Variants in PKHD1L1 observed in about 807,000 individuals in gnomAD.
The protein encoded by PKHD1L1 is fibrocystin-L.
A neutral mutation model predicts 462.9 loss-of-function variants in PKHD1L1; 434 were observed. The ratio of observed to expected loss-of-function variants is 0.94; its 90% CI spans 0.87 to 1.02. PKHD1L1 has a LOEUF of 1.02. Ranked by LOEUF, PKHD1L1 falls within the 50% of genes least tolerant of loss-of-function variation. PKHD1L1 has a pLI of 0.00. For missense variants in PKHD1L1, 5,202 were observed against 5,096.1 expected, an observed-to-expected ratio of 1.02 and a Z score of -0.63; for synonymous variants, 1,781 against 1,750.0, an observed-to-expected ratio of 1.02 and a Z score of -0.44.
At chr8:109,372,683 A>G (rs1299708920) in intron 2 of PKHD1L1, among the ~76,000 whole-genome samples, 1 of 152,228 alleles carries the variant, frequency 6.6e-6, no homozygotes, top group Non-Finnish European at 1.5e-5. Context: ...TGTCCCATCA[A>G]TACCTAATTT....
At chr8:109,512,479 C>T (rs1380254453) in intron 71 of PKHD1L1, among the ~76,000 whole-genome samples, 6 of 152,102 alleles carry the variant, frequency 3.9e-5, no homozygotes, top group South Asian at 4.2e-4. Flanking sequence ...TTGTTTTTCT[C>T]GGGTTTGCCA....
chr8:109,484,885 A>G (rs1346248826), intron 57 of PKHD1L1, among the ~76,000 whole-genome samples, 159 bp from the exon 58 acceptor site: 1 of 151,986 alleles, frequency 6.6e-6, no homozygotes, highest in Non-Finnish European at 1.5e-5. Flanking sequence ...ACACAAGCAT[A>G]TATACCTTTA....
Position 109,522,870 on chromosome 8 carries a change from G to A in PKHD1L1, c.12310G>A (p.Val4104Ile). ...PGQPFPQQPS[V>I]KATDSDGNCV... ...ACAGCCATTTCCTCAGCAGCCTTCGGTAAAGGCAACAGATTCTGACGTAAG... is the reference window on the plus strand; with the variant it reads ...ACAGCCATTTCCTCAGCAGCCTTCGATAAAGGCAACAGATTCTGACGTAAG... Residue 4104 changes from valine to isoleucine, a missense_variant, in exon 75 of 78, where the codon GTA becomes ATA. This residue lies in a region of PKHD1L1 where 698 missense variants were observed against 736.3 expected (regional missense o/e 0.95). Coordinates refer to ENST00000378402, the MANE Select transcript of PKHD1L1 (RefSeq NM_177531.6). 1 of 1,608,022 alleles carries A rather than the reference G, an allele frequency of 6.2e-7. No homozygotes were observed. The highest frequency in any genetic ancestry group is 8.5e-7 in the Non-Finnish European group (1 of 1,177,802).
Position 109,508,136 on chromosome 8 carries a change from G to A in PKHD1L1, c.11267G>A (p.Trp3756Ter). The A allele has an allele frequency of 6.2e-7, 1 of 1,612,690 alleles. No individual in the cohort carries two copies. Among genetic ancestry groups the A allele is most frequent in the Non-Finnish European group, 8.5e-7 (1 of 1,179,120 alleles). Residue 3756 changes from tryptophan (W) to a stop codon, truncating the protein, a stop_gained, in exon 70 of 78, where the codon TGG (tryptophan) becomes TAG (stop). Transcript: ENST00000378402. LOFTEE classifies it high-confidence loss of function. ...TCAACCTGTAAGTACCTTCCAGAGTGGCAGAGCTATCAGTGCTTTGGGATG... is the reference window on the plus strand; with the variant it reads ...TCAACCTGTAAGTACCTTCCAGAGTAGCAGAGCTATCAGTGCTTTGGGATG... ...RDSTCKYLPE[W>*]QSYQCFGMEY...
intron 2 of PKHD1L1, among the ~76,000 whole-genome samples, chr8:109,371,489 G>A (rs1188937843): frequency 6.7e-6 from 1 of 150,204 alleles, no homozygotes; most frequent in East Asian, 1.9e-4. Context: ...CTTTTGCTGT[G>A]CAGAAGCTCT....
intron 59 of PKHD1L1, among the ~76,000 whole-genome samples, chr8:109,487,978 AGTTG>A (rs983852822): frequency 3.3e-5 from 5 of 150,794 alleles, no homozygotes; most frequent in Non-Finnish European, 5.9e-5. Flanking sequence ...GAAAAGGTAC[AGTTG>A]GTAGTGTATT....
chr8:109,386,489 C>G (rs2130455560), intron 6 of PKHD1L1, among the ~76,000 whole-genome samples: 1 of 152,208 alleles, frequency 6.6e-6, no homozygotes, highest in East Asian at 1.9e-4. Context: ...CACACACATA[C>G]AAATACATAA....
intron 2 of PKHD1L1, among the ~76,000 whole-genome samples, chr8:109,380,124 A>G (rs1027307067): frequency 1.3e-5 from 2 of 152,184 alleles, no homozygotes; most frequent in Non-Finnish European, 2.9e-5. Flanking sequence ...AAAATTAATT[A>G]TAGTTTTAGG....
At chr8:109,526,313 G>GTT (rs986936117) in intron 76 of PKHD1L1, among the ~76,000 whole-genome samples, 2 of 152,168 alleles carry the variant, frequency 1.3e-5, no homozygotes, top group African/African-American at 2.4e-5. Flanking sequence ...GTTGTTTGCT[G>GTT]TATTATTCTT....
rs769435632 is a variant in PKHD1L1 at position 109,412,352 on chromosome 8, T to G, written c.2173T>G (p.Ser725Ala). The G allele has an allele frequency of 6.2e-7, 1 of 1,613,648 alleles. No individual in the cohort carries two copies. Among genetic ancestry groups the G allele is most frequent in the Admixed American group, 1.7e-5 (1 of 59,988 alleles). ...GAAAAACCCAGCTGTTCTTTTTGAC[T>G]CAGCAGATGTTAAACCAAACAGACG... Reference protein sequence around the residue: ...SLKNPAVLFDSADVKPNRRPY... With the variant: ...SLKNPAVLFDAADVKPNRRPY... Residue 725 changes from serine to alanine, a missense_variant, in exon 20 of 78, where the codon TCA becomes GCA. Ser to Ala is a moderately conservative substitution (Grantham distance 99). Around this residue, in one of 3 missense-constraint regions of PKHD1L1, gnomAD observed 4,497 missense variants for 4,336.8 expected, o/e 1.04. Transcript: ENST00000378402.
chr8:109,486,261 C>A (rs1361615282), intron 58 of PKHD1L1, among the ~76,000 whole-genome samples: 1 of 151,850 alleles, frequency 6.6e-6, no homozygotes, highest in Non-Finnish European at 1.5e-5. Flanking sequence ...TAGCTTTGGG[C>A]AAATTCTTTT....
At chr8:109,505,451 G>A (rs56379526) in intron 68 of PKHD1L1, among the ~76,000 whole-genome samples, 23,100 of 152,112 alleles carry the variant, frequency 0.15, 2,256 homozygotes, top group South Asian at 0.37. Flanking sequence ...ATTCTAAGCC[G>A]TAGAATAATA....
At position 109,477,317 on chromosome 8, in the gene PKHD1L1, T is replaced by C. The variant is rs1466783834; in HGVS notation, c.9010T>C (p.Cys3004Arg). The change falls in exon 53 of 78, where the codon TGT becomes CGT. Residue 3004 changes from cysteine (C) to arginine (R), a missense_variant. Transcript: ENST00000378402. ...CGTTGTTATTAATTTCCAAGCTTAC[T>C]GTTGTATTCTCCAGGATTGCTTTCC... ...KDVVINFQAY[C>R]CILQDCFPVH... 1.2e-6 allele frequency: 2 copies of C among 1,613,626 alleles called. No individual in the cohort carries two copies. The highest frequency in any genetic ancestry group is 2.2e-5 in the East Asian group (1 of 44,854).
At chr8:109,386,039 T>A (rs1812427071) in intron 6 of PKHD1L1, among the ~76,000 whole-genome samples, 1 of 152,122 alleles carries the variant, frequency 6.6e-6, no homozygotes, top group African/African-American at 2.4e-5. Flanking sequence ...TAGAACACAG[T>A]CTCGTAACAC....
chr8:109,398,426 G>A (rs768181727), intron 11 of PKHD1L1, 33 bp from the exon 12 acceptor site: 1 of 1,280,578 alleles, frequency 7.8e-7, no homozygotes, highest in Admixed American at 2.0e-5. Flanking sequence ...TGAAGTTTCA[G>A]TAGTAACGGT....
At chr8:109,383,970 T>C in intron 4 of PKHD1L1, 100 bp from the exon 5 acceptor site, 1 of 811,310 alleles carries the variant, frequency 1.2e-6, no homozygotes, top group Non-Finnish European at 2.1e-6. Flanking sequence ...AGTTACATTA[T>C]GAATATTGTT....
intron 46 of PKHD1L1, 37 bp downstream of exon 46, chr8:109,456,428 A>T (rs1368236144): frequency 6.5e-7 from 1 of 1,541,336 alleles, no homozygotes; most frequent in South Asian, 1.3e-5. Flanking sequence ...GTGTATTTAG[A>T]AAAGAAATTT....
chr8:109,486,847 C>T, intron 59 of PKHD1L1, 26 bp downstream of exon 59: 1 of 1,590,972 alleles, frequency 6.3e-7, no homozygotes, highest in Non-Finnish European at 8.6e-7. Flanking sequence ...GTTTATTTTT[C>T]TAAATGAGCT....
Position 109,390,833 on chromosome 8 carries a change from T to TA in PKHD1L1, c.740+347dup, listed in dbSNP as rs542729266. 2.2e-3 allele frequency among the ~76,000 whole-genome samples: 335 copies of TA among 152,074 alleles called. 1 individual carries two copies. Among genetic ancestry groups the TA allele is most frequent in the Non-Finnish European group, 3.5e-3 (239 of 67,938 alleles). ...ATTTAGATTTAAACTAATGGAAGAA[T>TA]AAAAAAAACCTCATGGTTAATATTA... On this transcript the variant is annotated intron_variant, in intron 9 of 77. Transcript: ENST00000378402.
Sources: gnomAD v4.1 joint callset for allele counts (sites outside exome capture counted in the v4.1 genomes callset) on GRCh38, gnomAD v4.1.1 for gene constraint, gnomAD v4.1.1 regional missense constraint, MANE v1.5 for transcripts, NCBI Gene and HGNC (gene_info 2026-07-23, HGNC 2026-07-21) for gene names.